The following ABCB1 variants were observed in gnomAD, a reference collection of about 807,000 sequenced individuals.
ABCB1 encodes the protein ATP binding cassette subfamily B member 1.
A neutral mutation model predicts 142.0 loss-of-function variants in ABCB1; 69 were observed. The ratio of observed to expected loss-of-function variants is 0.49; its 90% confidence interval spans 0.40 to 0.59. ABCB1 has a LOEUF of 0.59. Among genes scored for constraint, ABCB1 ranks in the 20% least tolerant of loss-of-function variants. The probability of loss-of-function intolerance (pLI) is 0.00; values close to 1 mark genes in which losing one functional copy is unlikely to be tolerated. For missense variants in ABCB1, 1,326 were observed against 1,554.7 expected, an observed-to-expected ratio of 0.85 and a Z score of 2.47; for synonymous variants, 532 against 539.2, an observed-to-expected ratio of 0.99 and a Z score of 0.18.
intron 1 of ABCB1, among the ~76,000 whole-genome samples, chr7:87,627,246 C>T (rs553837123): frequency 2.6e-5 from 4 of 152,236 alleles, no homozygotes; most frequent in South Asian, 4.1e-4. Context: ...TCAAGAGTAA[C>T]AGTATGCCCT....
chr7:87,677,583 G>C (rs1826504090), intron 1 of ABCB1, among the ~76,000 whole-genome samples: 1 of 152,092 alleles, frequency 6.6e-6, no homozygotes, highest in South Asian at 2.1e-4. Flanking sequence ...AGATGATTAA[G>C]TGCTGGAGAC....
At chr7:87,622,010 G>C (rs1348847006) in intron 1 of ABCB1, among the ~76,000 whole-genome samples, 1 of 152,012 alleles carries the variant, frequency 6.6e-6, no homozygotes, top group Non-Finnish European at 1.5e-5. Flanking sequence ...GTGCAAATAG[G>C]TTAACTATTT....
At chr7:87,709,113 C>A in intron 1 of ABCB1, 1 of 271,376 alleles carries the variant, frequency 3.7e-6, no homozygotes, top group Non-Finnish European at 5.6e-6. Context: ...CACAACTTAT[C>A]CTTATAATAT....
intron 11 of ABCB1, 36 bp downstream of exon 11, chr7:87,550,432 A>G (rs1817002135): frequency 6.2e-7 from 1 of 1,605,116 alleles, no homozygotes; most frequent in East Asian, 2.2e-5. Context: ...TCTTCATTCA[A>G]TAGATTAATT....
At chr7:87,526,312 TC>T (rs930532025) in intron 21 of ABCB1, among the ~76,000 whole-genome samples, 2 of 152,136 alleles carry the variant, frequency 1.3e-5, no homozygotes, top group Admixed American at 1.3e-4. Flanking sequence ...GATGTTCTTC[TC>T]TCTGGTGGCT....
At chr7:87,612,363 T>C (rs1819882851) in intron 1 of ABCB1, among the ~76,000 whole-genome samples, 1 of 152,192 alleles carries the variant, frequency 6.6e-6, no homozygotes, top group Non-Finnish European at 1.5e-5. Flanking sequence ...GAGTTTTTCC[T>C]AGGTTTCCTT....
At chr7:87,615,751 A>G (rs948167780) in intron 1 of ABCB1, among the ~76,000 whole-genome samples, 4 of 152,248 alleles carry the variant, frequency 2.6e-5, no homozygotes, top group African/African-American at 9.6e-5. Context: ...GCCTATTAAT[A>G]AGAAGTGATC....
intron 1 of ABCB1, among the ~76,000 whole-genome samples, chr7:87,658,704 C>A (rs1046157617): frequency 2.0e-5 from 3 of 152,068 alleles, no homozygotes; most frequent in African/African-American, 7.2e-5. Flanking sequence ...CCATGGAGGC[C>A]AGGAGGAAGT....
chr7:87,539,193 C>T (rs1221906381), intron 19 of ABCB1, 75 bp downstream of exon 19: 5 of 1,458,778 alleles, frequency 3.4e-6, no homozygotes, highest in East Asian at 4.5e-5. Context: ...CATGACAGAG[C>T]TCCCACTGTC....
chr7:87,552,472 C>A (rs1186343619), intron 9 of ABCB1, among the ~76,000 whole-genome samples: 1 of 152,084 alleles, frequency 6.6e-6, no homozygotes, highest in East Asian at 1.9e-4. Context: ...GACAAAGCTG[C>A]CATTTGAATC....
At chr7:87,533,542 T>A (rs1363531456) in intron 20 of ABCB1, among the ~76,000 whole-genome samples, 2 of 152,218 alleles carry the variant, frequency 1.3e-5, no homozygotes, top group Non-Finnish European at 2.9e-5. Flanking sequence ...CGGCTTCATT[T>A]GATTTAGCAC....
At position 87,550,732 on chromosome 7, in the gene ABCB1, A is replaced by G; in HGVS notation, c.1106T>C (p.Ile369Thr). ...RGAAYEIFKI[I>T]DNKPSIDSYS... Reference sequence around the variant, plus strand: ...TGGCCAACTCAGACTTACATTATCAATTATCTTGAAGATTTCATAAGCTGC... The same window carrying G: ...TGGCCAACTCAGACTTACATTATCAGTTATCTTGAAGATTTCATAAGCTGC... The change falls in exon 10 of 28, where the codon ATT becomes ACT. Residue 369 changes from isoleucine (I) to threonine (T), a missense_variant. Ile to Thr is a moderately conservative substitution (Grantham distance 89). Coordinates refer to ENST00000622132, the MANE Select transcript of ABCB1 (RefSeq NM_001348946.2). 1 of 1,611,028 alleles carries G rather than the reference A, an allele frequency of 6.2e-7. No individual in the cohort carries two copies. The highest frequency in any genetic ancestry group is 8.5e-7 in the Non-Finnish European group (1 of 1,177,228).
chr7:87,594,055 G>A (rs1416217475), intron 3 of ABCB1, among the ~76,000 whole-genome samples: 1 of 152,078 alleles, frequency 6.6e-6, no homozygotes, highest in Non-Finnish European at 1.5e-5. Flanking sequence ...CCAATATATT[G>A]TTAAACTTTT....
chr7:87,625,992 A>C (rs1820415189), intron 1 of ABCB1, among the ~76,000 whole-genome samples: 1 of 144,864 alleles, frequency 6.9e-6, no homozygotes, highest in Non-Finnish European at 1.5e-5. Context: ...ATATATGTAC[A>C]TATATATGTA....
intron 1 of ABCB1, among the ~76,000 whole-genome samples, chr7:87,643,225 T>C (rs903779338): frequency 6.6e-6 from 1 of 152,110 alleles, no homozygotes; most frequent in Non-Finnish European, 1.5e-5. Flanking sequence ...TTCCTTTATT[T>C]TTAAGTTGAT....
intron 1 of ABCB1, chr7:87,709,496 A>T: frequency 1.0e-6 from 1 of 985,256 alleles, no homozygotes; most frequent in East Asian, 1.1e-4. Flanking sequence ...GCTAAAAGGG[A>T]TGTTGAGCTT....
intron 1 of ABCB1, among the ~76,000 whole-genome samples, chr7:87,633,329 G>A (rs376578654): frequency 2.0e-5 from 3 of 152,100 alleles, no homozygotes; most frequent in African/African-American, 4.8e-5. Context: ...ATGATTACAC[G>A]TTTCCCTACC....
chr7:87,640,524 T>A (rs1162659586), intron 1 of ABCB1, among the ~76,000 whole-genome samples: 1 of 151,924 alleles, frequency 6.6e-6, no homozygotes, highest in Non-Finnish European at 1.5e-5. Flanking sequence ...TTTTTTTAAT[T>A]TGTAGATATA....
At chr7:87,609,597 A>T (rs1326514730) in intron 1 of ABCB1, among the ~76,000 whole-genome samples, 1 of 152,344 alleles carries the variant, frequency 6.6e-6, no homozygotes, top group East Asian at 1.9e-4. Context: ...ATGGGAATCC[A>T]TGCTAAGGGG....
Sources: gnomAD v4.1 joint callset for allele counts (sites outside exome capture counted in the v4.1 genomes callset) on GRCh38, gnomAD v4.1.1 for gene constraint, MANE v1.5 for transcripts, NCBI Gene and HGNC (gene_info 2026-07-23, HGNC 2026-07-21) for gene names.